The following TM9SF2 variants were observed in gnomAD, a reference collection of about 807,000 sequenced individuals.
The protein encoded by TM9SF2 is transmembrane 9 superfamily member 2, also known as 76 kDa membrane protein.
TM9SF2 carries 13 observed loss-of-function variants against 84.9 expected under a neutral mutation model. The ratio of observed to expected loss-of-function variants is 0.15; its 90% confidence interval spans 0.10 to 0.24. The LOEUF is 0.24. TM9SF2 is among the 10% of genes least tolerant of loss of function. The pLI is 1.00. For missense variants in TM9SF2, 562 were observed against 818.5 expected, an observed-to-expected ratio of 0.69 and a Z score of 3.82; for synonymous variants, 273 against 285.8, an observed-to-expected ratio of 0.96 and a Z score of 0.45.
intron 12 of TM9SF2, among the ~76,000 whole-genome samples, chr13:99,550,892 C>G (rs951942983): frequency 1.3e-5 from 2 of 151,626 alleles, no homozygotes; most frequent in African/African-American, 4.9e-5. Flanking sequence ...TCTTTCATGG[C>G]TTGTTGTTTA....
intron 3 of TM9SF2, among the ~76,000 whole-genome samples, chr13:99,520,992 T>G (rs2046157691): frequency 1.3e-5 from 2 of 152,206 alleles, no homozygotes; most frequent in African/African-American, 2.4e-5. Flanking sequence ...CTCTCAGAAT[T>G]CTTTTGCCTT....
At chr13:99,555,426 G>A in intron 14 of TM9SF2, 110 bp from the exon 15 acceptor site, 1 of 800,846 alleles carries the variant, frequency 1.2e-6, no homozygotes, top group East Asian at 2.7e-5. Context: ...TGTTTGGTTA[G>A]TTGAGAGAAA....
chr13:99,540,438 A>G (rs1239300826), intron 7 of TM9SF2: 4 of 206,986 alleles, frequency 1.9e-5, no homozygotes, highest in African/African-American at 9.3e-5. Flanking sequence ...AAATGTTGAC[A>G]TCTAAACATC....
chr13:99,517,498 C>T (rs2046139744), intron 1 of TM9SF2, 116 bp from the exon 2 acceptor site: 1 of 588,628 alleles, frequency 1.7e-6, no homozygotes, highest in Admixed American at 3.9e-5. Context: ...TTAAAGTTGA[C>T]TGGAATTATA....
At chr13:99,555,121 T>G (rs1256090300) in intron 14 of TM9SF2, among the ~76,000 whole-genome samples, 1 of 152,230 alleles carries the variant, frequency 6.6e-6, no homozygotes, top group East Asian at 1.9e-4. Context: ...ATTTGAGCTT[T>G]TTAATGATTA....
At chr13:99,525,339 T>G (rs1006857618) in intron 3 of TM9SF2, among the ~76,000 whole-genome samples, 1 of 152,104 alleles carries the variant, frequency 6.6e-6, no homozygotes, top group African/African-American at 2.4e-5. Flanking sequence ...CCTCCGAGGC[T>G]CCAGTGCTTC....
At position 99,549,218 on chromosome 13, in the gene TM9SF2, C is replaced by T; in HGVS notation, c.1324C>T (p.Pro442Ser). The T allele has an allele frequency of 6.2e-7, 1 of 1,612,492 alleles. No individual in the cohort carries two copies. Among genetic ancestry groups the T allele is most frequent in the Non-Finnish European group, 8.5e-7 (1 of 1,179,100 alleles). ...TGTTTTATTAACATCATTTCTTTGT[C>T]CTGGGTAAGTGAATTTTTCAAGAAT... Reference protein sequence around the residue: ...TNVLLTSFLCPGIVFADFFIM... With the variant: ...TNVLLTSFLCSGIVFADFFIM... Residue 442 changes from proline to serine, a missense_variant, in exon 12 of 17, where the codon CCT becomes TCT. Physicochemically the swap from Pro to Ser is moderately conservative, Grantham distance 74. This residue lies in a region of TM9SF2 where 219 missense variants were observed against 338.1 expected (regional missense o/e 0.65). Transcript: ENST00000376387.
chr13:99,544,044 G>T lies in TM9SF2; in HGVS notation c.1150+49G>T, dbSNP rs373738071. The T allele has an allele frequency of 4.9e-5, 78 of 1,600,224 alleles. No individual in the cohort carries two copies. The East Asian group carries it at 9.2e-4, about 19-fold the overall frequency. ...AAGTAGAAAATACTTTCTAAATACA[G>T]TAATTGCTTAAAAACCAGTTTTTCT... is the stretch of plus-strand genomic sequence containing the variant. On this transcript the variant is annotated intron_variant, in intron 10 of 16. Transcript: ENST00000376387.
intron 2 of TM9SF2, among the ~76,000 whole-genome samples, chr13:99,517,912 T>G (rs904565991): frequency 2.0e-4 from 30 of 152,334 alleles, no homozygotes; most frequent in African/African-American, 7.2e-4. Flanking sequence ...AACAAAAAGC[T>G]ATTTTGTTTT....
rs548538781 is a variant in TM9SF2 at position 99,562,937 on chromosome 13, A to G, written c.*179A>G. The G allele has an allele frequency of 9.0e-5, 47 of 522,880 alleles. No individual in the cohort carries two copies. Among genetic ancestry groups the G allele is most frequent in the South Asian group, 1.8e-4 (6 of 33,108 alleles). 32.4% of individuals were successfully genotyped at this position (522,880 alleles called of 1,614,324 possible). The stretch of plus-strand genomic sequence containing the variant: ...TTCCCCCATAAGATGTGTCTTCAAC[A>G]CTATAAAGCATTTGTATTGTGATTT... On this transcript the variant is annotated 3_prime_UTR_variant, in exon 17 of 17. Coordinates refer to ENST00000376387, the MANE Select transcript of TM9SF2 (RefSeq NM_004800.3).
At chr13:99,521,238 T>C (rs1026698288) in intron 3 of TM9SF2, among the ~76,000 whole-genome samples, 6 of 152,240 alleles carry the variant, frequency 3.9e-5, no homozygotes, top group African/African-American at 1.4e-4. Context: ...AAAATTTTCA[T>C]ACACCTATAA....
chr13:99,514,429 C>T (rs1302944850), intron 1 of TM9SF2: 2 of 152,124 alleles, frequency 1.3e-5, no homozygotes, highest in Middle Eastern at 3.2e-3. Context: ...TAACAGTTGC[C>T]CACAGTATTT....
intron 2 of TM9SF2, among the ~76,000 whole-genome samples, chr13:99,518,387 A>G (rs1288628753): frequency 6.6e-6 from 1 of 152,254 alleles, no homozygotes; most frequent in Non-Finnish European, 1.5e-5. Context: ...ATGGGATTAC[A>G]GGCGTGAGCC....
At chr13:99,511,896 C>T (rs561311224) in intron 1 of TM9SF2, among the ~76,000 whole-genome samples, 5 of 152,172 alleles carry the variant, frequency 3.3e-5, no homozygotes, top group African/African-American at 4.8e-5. Context: ...TTTCTGCAGT[C>T]CAGCTTTTTA....
At chr13:99,525,199 G>A (rs1356800635) in intron 3 of TM9SF2, among the ~76,000 whole-genome samples, 1 of 152,146 alleles carries the variant, frequency 6.6e-6, no homozygotes. Flanking sequence ...GTGAGAAAAA[G>A]AGTGGAAACT....
At chr13:99,556,431 G>A (rs970868153) in intron 15 of TM9SF2, among the ~76,000 whole-genome samples, 7 of 152,206 alleles carry the variant, frequency 4.6e-5, no homozygotes, top group East Asian at 1.9e-4. Context: ...AGCAGCCAAC[G>A]GTCTGCTTTC....
At chr13:99,512,391 T>C (rs1329769091) in intron 1 of TM9SF2, among the ~76,000 whole-genome samples, 1 of 152,244 alleles carries the variant, frequency 6.6e-6, no homozygotes, top group African/African-American at 2.4e-5. Context: ...ATTCTGATGA[T>C]ACATTCTTTC....
intron 3 of TM9SF2, among the ~76,000 whole-genome samples, 156 bp from the exon 4 acceptor site, chr13:99,529,311 C>G (rs1024900898): frequency 1.3e-5 from 2 of 152,012 alleles, no homozygotes; most frequent in Admixed American, 6.6e-5. Context: ...AAATTTAAAT[C>G]TGATTGAGCT....
At position 99,520,052 on chromosome 13, in the gene TM9SF2, G is replaced by A. The variant is rs746410626; in HGVS notation, c.256G>A (p.Ala86Thr). Residue 86 changes from alanine to threonine, a missense_variant, in exon 3 of 17, where the codon GCA becomes ACA. By Grantham distance (58) the Ala-to-Thr change is moderately conservative. Around this residue, in one of 4 missense-constraint regions of TM9SF2, gnomAD observed 267 missense variants for 316.7 expected, o/e 0.84. Transcript: ENST00000376387. ...TTCTCCCAGGTTTGATTTTTGCCAA[G>A]CATCAGAAGGAAAGCGCCCATCTGA... ...YEYTAFDFCQASEGKRPSENL... is the reference protein window; with the variant it reads ...YEYTAFDFCQTSEGKRPSENL... 6.2e-7 allele frequency: 1 copy of A among 1,612,930 alleles called. No individual in the cohort carries two copies. Among genetic ancestry groups the A allele is most frequent in the East Asian group, 2.2e-5 (1 of 44,814 alleles).
Sources: allele counts gnomAD v4.1 joint callset (sites outside exome capture counted in the v4.1 genomes callset), GRCh38; gene constraint gnomAD v4.1.1; regional missense constraint gnomAD v4.1.1; transcripts MANE v1.5; gene names NCBI Gene and HGNC (gene_info 2026-07-23, HGNC 2026-07-21).